The following TMEM178B variants were observed in gnomAD, a reference collection of about 807,000 sequenced individuals.
TMEM178B encodes the protein transmembrane protein 178B.
TMEM178B carries 5 observed loss-of-function variants against 31.0 expected under a neutral mutation model. The observed-to-expected ratio is 0.16, with a 90% CI of 0.08 to 0.34. The LOEUF is 0.34. TMEM178B is among the 10% of genes least tolerant of loss of function. The pLI is 1.00. For synonymous variants in TMEM178B, 164 were observed against 164.0 expected (o/e 1.00, Z 0.00); for missense variants, 275 against 400.3 (o/e 0.69, Z 2.67).
chr7:141,356,701 C>G (rs1203836825), intron 2 of TMEM178B, among the ~76,000 whole-genome samples: 1 of 151,210 alleles, frequency 6.6e-6, no homozygotes, highest in Non-Finnish European at 1.5e-5. Flanking sequence ...GCTGAGTGGC[C>G]TCACTCAGCA....
chr7:141,212,455 T>G, intron 1 of TMEM178B, 136 bp from the exon 2 acceptor site: 1 of 662,396 alleles, frequency 1.5e-6, no homozygotes, highest in African/African-American at 1.8e-5. Context: ...GAGTTGAAGG[T>G]ATTGTCTTTC....
chr7:141,376,179 C>A (rs1401093481), intron 2 of TMEM178B, among the ~76,000 whole-genome samples: 2 of 152,288 alleles, frequency 1.3e-5, no homozygotes, highest in Admixed American at 6.5e-5. Context: ...ACCAAATAGT[C>A]CCTGTTGATG....
Position 141,428,385 on chromosome 7 carries a change from GAA to G in TMEM178B, c.497-9217_497-9216del, listed in dbSNP as rs796878471. On this transcript the variant is annotated intron_variant, in intron 2 of 3. Transcript: ENST00000565468. ...CTCCACCTCAAAAAAAAAAAAAAAA[GAA>G]AAAAAGAAAAGGAAAGAAAAAGAAA... 4.2e-3 allele frequency among the ~76,000 whole-genome samples: 444 copies of G among 106,866 alleles called. 13 individuals carry two copies. Among genetic ancestry groups the G allele is most frequent in the African/African-American group, 0.015 (378 of 24,978 alleles). The allele number at this position is 106,866 out of a possible 152,430, so 70.1% of individuals were successfully genotyped here.
chr7:141,119,312 G>C (rs1795372077), intron 1 of TMEM178B, among the ~76,000 whole-genome samples: 1 of 152,166 alleles, frequency 6.6e-6, no homozygotes, highest in Non-Finnish European at 1.5e-5. Flanking sequence ...CTTCTGGTCT[G>C]TCCCACTTGG....
intron 1 of TMEM178B, among the ~76,000 whole-genome samples, chr7:141,102,689 C>T (rs897390167): frequency 1.3e-5 from 2 of 152,220 alleles, no homozygotes; most frequent in African/African-American, 4.8e-5. Flanking sequence ...TAACCACATT[C>T]ACACTTTGTC....
intron 2 of TMEM178B, among the ~76,000 whole-genome samples, chr7:141,409,624 G>A (rs761215226): frequency 5.9e-5 from 9 of 151,964 alleles, no homozygotes; most frequent in Non-Finnish European, 8.8e-5. Flanking sequence ...GAATATTTTT[G>A]TTTCATCTCT....
At position 141,422,188 on chromosome 7, in the gene TMEM178B, G is replaced by A. The variant is rs1279227670; in HGVS notation, c.497-15420G>A. ...CCAGGGCTGCGGTTGGTGAAAGGAG[G>A]ACAGGTAAAAGGCCAAGGCTCTGAC... is the stretch of plus-strand genomic sequence containing the variant. On this transcript the variant is annotated intron_variant, in intron 2 of 3. Transcript: ENST00000565468. The surrounding 1 kb of genome is among the most constrained non-coding windows in gnomAD (Gnocchi z 4.2). Among the ~76,000 whole-genome samples, 3 of 152,208 alleles carry A rather than the reference G, an allele frequency of 2.0e-5. No homozygotes were observed. The highest frequency in any genetic ancestry group is 7.2e-5 in the African/African-American group (3 of 41,456).
intron 1 of TMEM178B, among the ~76,000 whole-genome samples, chr7:141,104,343 A>G (rs1174636937): frequency 6.6e-6 from 1 of 152,112 alleles, no homozygotes; most frequent in Non-Finnish European, 1.5e-5. Context: ...GCTCTAGAAA[A>G]CATTCTACTG....
At chr7:141,440,585 G>A (rs1041879800) in intron 3 of TMEM178B, among the ~76,000 whole-genome samples, 1 of 152,188 alleles carries the variant, frequency 6.6e-6, no homozygotes. Flanking sequence ...GACAGGGCAG[G>A]GCTGAGATGG....
intron 1 of TMEM178B, among the ~76,000 whole-genome samples, chr7:141,120,119 G>T (rs1795385333): frequency 6.6e-6 from 1 of 152,176 alleles, no homozygotes; most frequent in Non-Finnish European, 1.5e-5. Flanking sequence ...AGAATAGTGA[G>T]GCGATATCAA....
At chr7:141,397,780 T>G (rs1800683208) in intron 2 of TMEM178B, among the ~76,000 whole-genome samples, 1 of 152,236 alleles carries the variant, frequency 6.6e-6, no homozygotes, top group Non-Finnish European at 1.5e-5. Flanking sequence ...GGAAGCTATA[T>G]TCCAATTCCT....
intron 1 of TMEM178B, among the ~76,000 whole-genome samples, chr7:141,075,277 C>G (rs752998336): frequency 1.3e-5 from 2 of 152,136 alleles, no homozygotes; most frequent in Non-Finnish European, 2.9e-5. Context: ...TTCTTTATGT[C>G]TCCTTCTGAA....
chr7:141,359,020 G>A (rs1799871653), intron 2 of TMEM178B, among the ~76,000 whole-genome samples: 1 of 152,114 alleles, frequency 6.6e-6, no homozygotes, highest in African/African-American at 2.4e-5. Context: ...TCATAAAATG[G>A]TTTTGATGAA....
intron 1 of TMEM178B, among the ~76,000 whole-genome samples, chr7:141,142,411 CTTT>C (rs536091548): frequency 2.2e-5 from 3 of 137,248 alleles, no homozygotes; most frequent in Non-Finnish European, 3.1e-5. Context: ...TCTTTTCTTT[CTTT>C]TTTTTTTTTT....
At chr7:141,123,372 A>G (rs1332652033) in intron 1 of TMEM178B, among the ~76,000 whole-genome samples, 2 of 152,224 alleles carry the variant, frequency 1.3e-5, no homozygotes, top group East Asian at 1.9e-4. Context: ...GTGGCTTTCC[A>G]TGTCCTGCAG....
At chr7:141,491,590 T>G in the TMEM178B span, among the ~76,000 whole-genome samples, 1 of 152,204 alleles carries the variant, frequency 6.6e-6, no homozygotes, top group Non-Finnish European at 1.5e-5. Flanking sequence ...AGCTTCCATT[T>G]TTCGAGCATT....
At chr7:141,136,929 A>G (rs1795684932) in intron 1 of TMEM178B, among the ~76,000 whole-genome samples, 1 of 152,206 alleles carries the variant, frequency 6.6e-6, no homozygotes, top group South Asian at 2.1e-4. Flanking sequence ...ATGTAAATAA[A>G]TGGTCAACAG....
intron 1 of TMEM178B, among the ~76,000 whole-genome samples, chr7:141,125,624 G>A (rs1795479597): frequency 6.7e-6 from 1 of 149,276 alleles, no homozygotes; most frequent in Admixed American, 6.7e-5. Context: ...GGGTTGCAGT[G>A]AGCCAAGATC....
At chr7:141,253,544 C>CCTT (rs1797869282) in intron 2 of TMEM178B, among the ~76,000 whole-genome samples, 3 of 70,032 alleles carry the variant, frequency 4.3e-5, no homozygotes, top group African/African-American at 1.7e-4. Context: ...ATTTTCCCTT[C>CCTT]TTTTTTTTTT....
Sources: gnomAD v4.1 joint callset for allele counts (sites outside exome capture counted in the v4.1 genomes callset) on GRCh38, gnomAD v4.1.1 for gene constraint, Gnocchi (gnomAD v3.1) non-coding constraint, MANE v1.5 for transcripts, NCBI Gene and HGNC (gene_info 2026-07-23, HGNC 2026-07-21) for gene names.